The following ZHX3 variants were observed in gnomAD, a reference collection of about 807,000 sequenced individuals.
ZHX3 encodes zinc fingers and homeoboxes 3, also known as zinc fingers and homeoboxes protein 3.
Under a neutral mutation model 64.5 loss-of-function variants are expected in ZHX3, and 20 were observed. The observed-to-expected ratio is 0.31, with a 90% CI of 0.22 to 0.45. The LOEUF is 0.45. Among genes scored for constraint, ZHX3 ranks in the 20% least tolerant of loss-of-function variants. The pLI, the probability that ZHX3 is intolerant of heterozygous loss-of-function variation, is 1.00. For missense variants in ZHX3, 1,041 were observed against 1,195.8 expected, an observed-to-expected ratio of 0.87 and a Z score of 1.91; for synonymous variants, 423 against 461.6, an observed-to-expected ratio of 0.92 and a Z score of 1.07.
rs2036333190 is a variant in ZHX3, at chr20:41,183,898, G to A, written c.*1293C>T. ...CTGTAATTTTCTCAATTCAAAAAAG[G>A]ACATGAGGGTTAGGCTAAAGTAGAG... is the stretch of plus-strand genomic sequence containing the variant. On this transcript the variant is annotated 3_prime_UTR_variant, in exon 4 of 4. Transcript: ENST00000683867. The surrounding 1 kb of genome is among the most constrained non-coding windows in gnomAD (Gnocchi z 5.3). 6.6e-6 allele frequency: 1 copy of A among 152,190 alleles called. No homozygotes were observed. Among genetic ancestry groups the A allele is most frequent in the South Asian group, 2.1e-4 (1 of 4,832 alleles). 9.4% of individuals were successfully genotyped at this position (152,190 alleles called of 1,614,324 possible).
At chr20:41,187,137 A>G (rs2146109782) in intron 3 of ZHX3, among the ~76,000 whole-genome samples, 1 of 152,026 alleles carries the variant, frequency 6.6e-6, no homozygotes, top group South Asian at 2.1e-4. Flanking sequence ...TGGGCAACAT[A>G]GCAAGATCCT....
chr20:41,288,267 AC>A lies in ZHX3; in HGVS notation c.-244-19185del, dbSNP rs558139526. On this transcript the variant is annotated intron_variant, in intron 1 of 3. Coordinates refer to ENST00000683867, the MANE Select transcript of ZHX3 (RefSeq NM_001384317.1). The stretch of plus-strand genomic sequence containing the variant: ...ACTCATGGCCTCAAGCAATCCACCC[AC>A]CTTGGCATCCCAAAGTGGTGGAATT... 1.8e-3 allele frequency among the ~76,000 whole-genome samples: 268 copies of A among 152,154 alleles called. 2 individuals are homozygous for A. The highest frequency in any genetic ancestry group is 6.1e-3 in the African/African-American group (254 of 41,494).
chr20:41,308,040 A>G (rs2045029679), intron 1 of ZHX3, among the ~76,000 whole-genome samples: 1 of 152,232 alleles, frequency 6.6e-6, no homozygotes, highest in South Asian at 2.1e-4. Context: ...GCACCGTAAT[A>G]CAGCAGAGCC....
intron 2 of ZHX3, among the ~76,000 whole-genome samples, chr20:41,209,225 G>C (rs1331961909): frequency 6.6e-6 from 1 of 152,138 alleles, no homozygotes; most frequent in East Asian, 1.9e-4. Flanking sequence ...CCATGCTCAT[G>C]GATAGGAAGA....
intron 1 of ZHX3, among the ~76,000 whole-genome samples, chr20:41,289,014 C>T (rs2044083498): frequency 6.6e-6 from 1 of 152,098 alleles, no homozygotes; most frequent in Non-Finnish European, 1.5e-5. Context: ...TTTTTTGAGA[C>T]AGGGTCTCAC....
intron 2 of ZHX3, among the ~76,000 whole-genome samples, chr20:41,227,978 T>G (rs756384938): frequency 1.3e-5 from 2 of 152,170 alleles, no homozygotes; most frequent in African/African-American, 4.8e-5. Context: ...TCCTTGCTCA[T>G]CAATCTTTGG....
rs576273057 is a variant in ZHX3 at position 41,251,422 on chromosome 20, T to C, written c.-151+17568A>G. Among the ~76,000 whole-genome samples the C allele has an allele frequency of 3.3e-5, 5 of 152,178 alleles. No individual in the cohort carries two copies. In the South Asian group the frequency reaches 1.0e-3, roughly 32 times the overall value. On this transcript the variant is annotated intron_variant, in intron 2 of 3. Transcript: ENST00000683867. Reference sequence around the variant, plus strand: ...GGTATACTGTAATACTCAGAGCAACTGCTAAGAAAATAATACAAAGAAATA... The same window carrying C: ...GGTATACTGTAATACTCAGAGCAACCGCTAAGAAAATAATACAAAGAAATA...
chr20:41,306,838 T>C (rs942183864), intron 1 of ZHX3, among the ~76,000 whole-genome samples: 2 of 152,244 alleles, frequency 1.3e-5, no homozygotes, highest in Non-Finnish European at 2.9e-5. Context: ...GCAAGTAGTA[T>C]GTTTTTCAGC....
intron 2 of ZHX3, among the ~76,000 whole-genome samples, chr20:41,246,643 C>G (rs1226885749): frequency 1.3e-5 from 2 of 152,116 alleles, no homozygotes; most frequent in Non-Finnish European, 2.9e-5. Context: ...GAGGCTGAGG[C>G]AGGTGGAACA....
chr20:41,311,385 C>T (rs1436665377), intron 1 of ZHX3, among the ~76,000 whole-genome samples: 3 of 152,202 alleles, frequency 2.0e-5, no homozygotes, highest in Non-Finnish European at 4.4e-5. Flanking sequence ...TTCCTCAAGG[C>T]TTACAGCTAG....
chr20:41,312,055 T>C (rs2045152776), intron 1 of ZHX3, among the ~76,000 whole-genome samples: 1 of 152,130 alleles, frequency 6.6e-6, no homozygotes, highest in Non-Finnish European at 1.5e-5. Context: ...AATGAAGTGC[T>C]ATTGAGGGGG....
At position 41,232,599 on chromosome 20, in the gene ZHX3, C is replaced by CT. The variant is rs976165726; in HGVS notation, c.-150-27534dup. On this transcript the variant is annotated intron_variant, in intron 2 of 3. Coordinates refer to ENST00000683867, the MANE Select transcript of ZHX3 (RefSeq NM_001384317.1). This position sits in a 1 kb window ranked among gnomAD's most constrained non-coding sequence, Gnocchi z 5.0. ...TGTCTTCTAATCTAGGAAAATTCTT[C>CT]TTTTTTTTTTGAGACGGAGTCTCGC... Among the ~76,000 whole-genome samples, 120 of 149,718 alleles carry CT rather than the reference C, an allele frequency of 8.0e-4. No individual in the cohort carries two copies. The highest frequency in any genetic ancestry group is 2.2e-3 in the East Asian group (11 of 5,110).
At chr20:41,251,014 A>T (rs1165006036) in intron 2 of ZHX3, among the ~76,000 whole-genome samples, 2 of 152,178 alleles carry the variant, frequency 1.3e-5, no homozygotes, top group South Asian at 2.1e-4. Context: ...AAATAAAATT[A>T]AAAAATAAAA....
chr20:41,194,549 G>A (rs916280708), intron 3 of ZHX3, among the ~76,000 whole-genome samples: 1 of 152,098 alleles, frequency 6.6e-6, no homozygotes, highest in East Asian at 1.9e-4. Context: ...TAGTGCCCTT[G>A]TCTTGCTCTG....
At chr20:41,282,735 G>T (rs548801233) in intron 1 of ZHX3, among the ~76,000 whole-genome samples, 4 of 152,090 alleles carry the variant, frequency 2.6e-5, no homozygotes, top group Non-Finnish European at 5.9e-5. Context: ...ACCCAGGTAC[G>T]TTGCATGAAA....
At chr20:41,186,953 A>C (rs1012468958) in intron 3 of ZHX3, among the ~76,000 whole-genome samples, 3 of 152,200 alleles carry the variant, frequency 2.0e-5, no homozygotes, top group African/African-American at 7.2e-5. Flanking sequence ...TCTTTGAAAC[A>C]CAAAAGTTTT....
intron 2 of ZHX3, among the ~76,000 whole-genome samples, chr20:41,211,359 TAAAC>T (rs754707038): frequency 2.6e-5 from 4 of 152,134 alleles, no homozygotes; most frequent in Non-Finnish European, 4.4e-5. Flanking sequence ...TCTCAGTAAA[TAAAC>T]ACGGCTATTT....
intron 1 of ZHX3, among the ~76,000 whole-genome samples, chr20:41,296,878 T>TGACACAGAAGA (rs370937548): frequency 5.3e-5 from 8 of 152,326 alleles, no homozygotes; most frequent in Non-Finnish European, 1.2e-4. Flanking sequence ...TCTTGACACT[T>TGACACAGAAGA]GATAATGACA....
intron 3 of ZHX3, among the ~76,000 whole-genome samples, chr20:41,196,451 A>ATATTTATATATAAT (rs1568796888): frequency 8.7e-4 from 2 of 2,294 alleles, no homozygotes; most frequent in South Asian, 0.013. Flanking sequence ...TATTATATAT[A>ATATTTATATATAAT]ATATATTTAT....
Sources: gnomAD v4.1 joint callset for allele counts (sites outside exome capture counted in the v4.1 genomes callset) on GRCh38, gnomAD v4.1.1 for gene constraint, Gnocchi (gnomAD v3.1) non-coding constraint, MANE v1.5 for transcripts, NCBI Gene and HGNC (gene_info 2026-07-23, HGNC 2026-07-21) for gene names.